IGSF5: variants seen among roughly 807,000 people sequenced by gnomAD.
IGSF5 encodes the protein immunoglobulin superfamily 5 like.
A neutral mutation model predicts 39.4 loss-of-function variants in IGSF5; 41 were observed. The observed-to-expected ratio is 1.04, with a 90% confidence interval of 0.81 to 1.35. IGSF5 has a LOEUF of 1.35. IGSF5 is among the 40% of genes most tolerant of loss of function. The pLI, the probability that IGSF5 is intolerant of heterozygous loss-of-function variation, is 0.00. For missense variants in IGSF5, 487 were observed against 494.6 expected (o/e 0.98, Z 0.15); for synonymous variants, 183 against 175.3 (o/e 1.04, Z -0.34).
At chr21:39,788,998 C>A (rs561806679) in intron 6 of IGSF5, among the ~76,000 whole-genome samples, 1 of 152,262 alleles carries the variant, frequency 6.6e-6, no homozygotes, top group African/African-American at 2.4e-5. Context: ...CTCCCTCTGA[C>A]CCCTGGCAAT....
chr21:39,796,670 G>A (rs1198939102), intron 8 of IGSF5, among the ~76,000 whole-genome samples: 1 of 152,212 alleles, frequency 6.6e-6, no homozygotes, highest in Non-Finnish European at 1.5e-5. Context: ...GCTCCTGCCC[G>A]AGAAGCTGGC....
intron 4 of IGSF5, among the ~76,000 whole-genome samples, chr21:39,776,490 T>C (rs1268942621): frequency 6.6e-6 from 1 of 152,222 alleles, no homozygotes; most frequent in Non-Finnish European, 1.5e-5. Context: ...GTCTTTTAAC[T>C]GAATGCAGGC....
At chr21:39,783,342 G>A (rs533154302) in intron 5 of IGSF5, among the ~76,000 whole-genome samples, 1 of 152,194 alleles carries the variant, frequency 6.6e-6, no homozygotes, top group East Asian at 1.9e-4. Context: ...TAGAGTATGA[G>A]AGTTTCCATT....
chr21:39,792,899 T>C (rs893729160), intron 7 of IGSF5, among the ~76,000 whole-genome samples: 3 of 152,194 alleles, frequency 2.0e-5, no homozygotes, highest in African/African-American at 7.2e-5. Flanking sequence ...CCTCACAGGC[T>C]GCTGGGAACA....
upstream of IGSF5, among the ~76,000 whole-genome samples, chr21:39,742,213 C>T (rs1430875443): frequency 1.3e-5 from 2 of 151,948 alleles, no homozygotes; most frequent in Admixed American, 6.6e-5. Flanking sequence ...ATGGCCCCTG[C>T]TTTTACTAGA....
the IGSF5 span, among the ~76,000 whole-genome samples, chr21:39,721,162 G>A: frequency 6.6e-6 from 1 of 152,170 alleles, no homozygotes; most frequent in Non-Finnish European, 1.5e-5. Flanking sequence ...GAAGAATACA[G>A]GGAGACTCTG....
chr21:39,746,788 A>G (rs1024212126), intron 2 of IGSF5, among the ~76,000 whole-genome samples: 1 of 148,272 alleles, frequency 6.7e-6, no homozygotes, highest in Non-Finnish European at 1.5e-5. Flanking sequence ...TGCCATTGTT[A>G]TCATTATTAT....
intron 2 of IGSF5, among the ~76,000 whole-genome samples, chr21:39,764,615 C>T (rs2080076891): frequency 6.6e-6 from 1 of 152,204 alleles, no homozygotes; most frequent in Admixed American, 6.5e-5. Flanking sequence ...GCTGGGATTA[C>T]AGGTGTGAAC....
intron 4 of IGSF5, among the ~76,000 whole-genome samples, chr21:39,778,202 ACG>A (rs2080150608): frequency 6.6e-6 from 1 of 152,178 alleles, no homozygotes; most frequent in Non-Finnish European, 1.5e-5. Flanking sequence ...CCTTTCTGTG[ACG>A]ATAAAAACGT....
intron 7 of IGSF5, among the ~76,000 whole-genome samples, chr21:39,792,913 A>C (rs2086973844): frequency 6.6e-6 from 1 of 152,134 alleles, no homozygotes; most frequent in African/African-American, 2.4e-5. Flanking sequence ...GGGAACACCA[A>C]ATTCCATGGG....
At chr21:39,778,227 G>T (rs942417948) in intron 4 of IGSF5, among the ~76,000 whole-genome samples, 1 of 152,168 alleles carries the variant, frequency 6.6e-6, no homozygotes, top group Non-Finnish European at 1.5e-5. Context: ...TACATCTGTG[G>T]TGACTGAGCA....
At chr21:39,784,115 C>A (rs1215893632) in intron 5 of IGSF5, among the ~76,000 whole-genome samples, 2 of 152,134 alleles carry the variant, frequency 1.3e-5, no homozygotes, top group Non-Finnish European at 2.9e-5. Context: ...CTCTGGGAAG[C>A]AGAAATTGAA....
chr21:39,721,310 C>CTGAT, the IGSF5 span, among the ~76,000 whole-genome samples: 1 of 152,134 alleles, frequency 6.6e-6, no homozygotes, highest in Non-Finnish European at 1.5e-5. Context: ...CATTGTAAGG[C>CTGAT]TGATTGAATG....
At chr21:39,717,141 A>G in the IGSF5 span, among the ~76,000 whole-genome samples, 1 of 152,126 alleles carries the variant, frequency 6.6e-6, no homozygotes, top group Non-Finnish European at 1.5e-5. Flanking sequence ...GGACGCATGT[A>G]TGTCTTCTGT....
the IGSF5 span, among the ~76,000 whole-genome samples, chr21:39,721,894 T>A: frequency 1.3e-5 from 2 of 152,230 alleles, no homozygotes; most frequent in African/African-American, 4.8e-5. Flanking sequence ...TTCTGAGTTA[T>A]ATGGGTCAAG....
intron 2 of IGSF5, among the ~76,000 whole-genome samples, chr21:39,751,849 C>G (rs1602365493): frequency 6.6e-6 from 1 of 152,194 alleles, no homozygotes; most frequent in Admixed American, 6.5e-5. Context: ...CTCCCAAAGT[C>G]TCTGGAGGTT....
At chr21:39,787,846 G>A (rs112791269) in intron 5 of IGSF5, among the ~76,000 whole-genome samples, 1 of 152,124 alleles carries the variant, frequency 6.6e-6, no homozygotes, top group Non-Finnish European at 1.5e-5. Flanking sequence ...TATGGAGTCT[G>A]TATAGTCTCA....
chr21:39,728,968 C>G, the IGSF5 span, among the ~76,000 whole-genome samples: 1 of 152,272 alleles, frequency 6.6e-6, no homozygotes, highest in African/African-American at 2.4e-5. Flanking sequence ...TACATTCTTT[C>G]TAAATACCTA....
the IGSF5 span, among the ~76,000 whole-genome samples, chr21:39,720,524 T>A: frequency 6.6e-6 from 1 of 152,126 alleles, no homozygotes; most frequent in African/African-American, 2.4e-5. Flanking sequence ...CAAATCTCAA[T>A]TGAGAAACAT....
Sources: gnomAD v4.1 joint callset for allele counts (sites outside exome capture counted in the v4.1 genomes callset) on GRCh38, gnomAD v4.1.1 for gene constraint, MANE v1.5 for transcripts, NCBI Gene and HGNC (gene_info 2026-07-23, HGNC 2026-07-21) for gene names.